Variants in VWA5A observed in about 807,000 individuals in gnomAD.
VWA5A encodes von Willebrand factor A domain-containing protein 5A.
In VWA5A, 77 loss-of-function variants were observed where a neutral mutation model predicts 84.6. The observed-to-expected ratio is 0.91, with a 90% CI of 0.76 to 1.10. The LOEUF (loss-of-function observed/expected upper bound fraction) is 1.10. Among genes scored for constraint, VWA5A ranks in the 50% least tolerant of loss-of-function variants. The pLI is 0.00. For missense variants in VWA5A, 973 were observed against 963.0 expected (o/e 1.01, Z -0.14); for synonymous variants, 334 against 350.1 (o/e 0.95, Z 0.51).
rs567854182 is a variant in VWA5A, at chr11:124,145,672, C to A, written c.2282-194C>A. On this transcript the variant is annotated intron_variant, in intron 18 of 18. Transcript: ENST00000456829. ...CTAGACTTGGTGCGTGTTCTCCTGG[C>A]TGTTTGTTATCTCACTGCAGCTGAG... 2.0e-5 allele frequency among the ~76,000 whole-genome samples: 3 copies of A among 152,228 alleles called. No individual in the cohort carries two copies. In the South Asian group the frequency reaches 6.2e-4, roughly 32 times the overall value.
chr11:124,123,676 A>C lies in VWA5A; in HGVS notation c.1036A>C (p.Thr346Pro), dbSNP rs1864969722. 6.2e-7 allele frequency: 1 copy of C among 1,613,936 alleles called. No homozygotes were observed. The highest frequency in any genetic ancestry group is 1.3e-5 in the African/African-American group (1 of 74,862). The change falls in exon 10 of 19, where the codon ACT becomes CCT. Residue 346 changes from threonine to proline, a missense_variant. Coordinates refer to ENST00000456829, the MANE Select transcript of VWA5A (RefSeq NM_001130142.2). ...TTTTCTCAGGGAGAGTGTGAAGTAC[A>C]CTCAGCAAACAATGGAGGAGGCTCT... The part of the protein sequence containing the change: ...EACFPESVKY[T>P]QQTMEEALGR...
At position 124,123,799 on chromosome 11, in the gene VWA5A, C is replaced by A; in HGVS notation, c.1159C>A (p.Leu387Ile). ...YRGPSIPGHP[L>I]QLFVFTDGEV... ...GGGACCCTCCATCCCAGGCCACCCC[C>A]TACAGGTAAGAAGTGGAACAGAGCT... is the stretch of plus-strand genomic sequence containing the variant. The change falls in exon 10 of 19, where the codon CTA becomes ATA. Residue 387 changes from leucine to isoleucine, a missense_variant. Leu to Ile is a conservative substitution (Grantham distance 5, BLOSUM62 2). Transcript: ENST00000456829. 1 of 1,570,388 alleles carries A rather than the reference C, an allele frequency of 6.4e-7. No individual in the cohort carries two copies. The highest frequency in any genetic ancestry group is 8.6e-7 in the Non-Finnish European group (1 of 1,163,266).
At chr11:124,136,050 T>C in intron 12 of VWA5A, 79 bp from the exon 13 acceptor site, 1 of 1,497,096 alleles carries the variant, frequency 6.7e-7, no homozygotes, top group East Asian at 2.3e-5. Flanking sequence ...TCACATCTGA[T>C]ACATAATAAA....
rs779247791 is a variant in VWA5A, at chr11:124,136,698, T to TTCCTTCCC, written c.1625+31_1625+32insCTCCTTCC. ...AAGTGAGAATTCAGTTTTCCCTTCC[T>TTCCTTCCC]TCCTTCCTTCCTTCCTTCCTTCCTT... On this transcript the variant is annotated intron_variant, in intron 14 of 18. Transcript: ENST00000456829. The TTCCTTCCC allele has an allele frequency of 1.6e-4, 80 of 509,594 alleles. No homozygotes were observed. The South Asian group carries it at 1.6e-3, about 10-fold the overall frequency. The allele number at this position is 509,594 out of a possible 1,614,324, so 31.6% of individuals were successfully genotyped here.
At position 124,137,248 on chromosome 11, in the gene VWA5A, T is replaced by G; in HGVS notation, c.1859T>G (p.Leu620Trp). 2 of 1,614,060 alleles carry G rather than the reference T, an allele frequency of 1.2e-6. No individual in the cohort carries two copies. Among genetic ancestry groups the G allele is most frequent in the Non-Finnish European group, 1.7e-6 (2 of 1,180,018 alleles). ...RPILLGASAP[L>W]KIKCQSGFRK... ...ATTCTGTTGGGTGCTTCTGCCCCAT[T>G]GAAGATAAAATGCCAATCAGGTAAT... Residue 620 changes from leucine (L) to tryptophan (W), a missense_variant, in exon 15 of 19, where the codon TTG becomes TGG. By Grantham distance (61) the Leu-to-Trp change is moderately conservative (BLOSUM62 -2). Transcript: ENST00000456829.
rs753306187 is a variant in VWA5A at position 124,117,826 on chromosome 11, C to T, written c.197C>T (p.Ala66Val). 8.1e-6 allele frequency: 13 copies of T among 1,613,922 alleles called. No homozygotes were observed. The South Asian group carries it at 1.3e-4, about 16-fold the overall frequency. The change falls in exon 4 of 19, where the codon GCC becomes GTC. Residue 66 changes from alanine to valine, a missense_variant. Coordinates refer to ENST00000456829, the MANE Select transcript of VWA5A (RefSeq NM_001130142.2). ...GACTCTGCTGTTTACAGCTTTGAGGCCTTGGTGGATGGGAAGAAAATTGTA... is the reference window on the plus strand; with the variant it reads ...GACTCTGCTGTTTACAGCTTTGAGGTCTTGGTGGATGGGAAGAAAATTGTA... ...DEDSAVYSFE[A>V]LVDGKKIVAE... is the part of the protein sequence containing the mutation.
chr11:124,117,356 T>C (rs1244217552), intron 2 of VWA5A, 141 bp from the exon 3 acceptor site: 2 of 819,022 alleles, frequency 2.4e-6, no homozygotes, highest in Non-Finnish European at 4.0e-6. Flanking sequence ...TTTGTCTCCT[T>C]TTTTTTAAAG....
At chr11:124,141,776 GT>G (rs1419816682) in intron 16 of VWA5A, 35 bp downstream of exon 16, 9 of 1,608,106 alleles carry the variant, frequency 5.6e-6, no homozygotes, top group Non-Finnish European at 7.6e-6. Context: ...TCTCAACAAT[GT>G]TTTTCTGTCA....
rs773323180 is a variant in VWA5A at position 124,117,762 on chromosome 11, G to A, written c.133G>A (p.Val45Ile). Residue 45 changes from valine to isoleucine, a missense_variant, in exon 4 of 19, where the codon GTT (valine) becomes ATT (isoleucine). Physicochemically the swap from Val to Ile is conservative, Grantham distance 29. Transcript: ENST00000456829. ...ATLNYENEEK[V>I]PLEAFFVFPM... is the part of the protein sequence containing the mutation. ...TTTGAACTACGAGAATGAGGAGAAA[G>A]TTCCTTTGGAGGCCTTCTTTGTGTT... 6.2e-6 allele frequency: 10 copies of A among 1,614,192 alleles called. No homozygotes were observed. Among genetic ancestry groups the A allele is most frequent in the African/African-American group, 1.3e-5 (1 of 75,040 alleles).
In VWA5A at chr11:124,123,424, G is replaced by T; in HGVS notation, c.989G>T (p.Gly330Val). 6.2e-7 allele frequency: 1 copy of T among 1,614,076 alleles called. No individual in the cohort carries two copies. The change falls in exon 9 of 19, where the codon GGA becomes GTA. Residue 330 changes from glycine (G) to valine (V), a missense_variant. Physicochemically the swap from Gly to Val is moderately radical, Grantham distance 109. Coordinates refer to ENST00000456829, the MANE Select transcript of VWA5A (RefSeq NM_001130142.2). The stretch of plus-strand genomic sequence containing the variant: ...ATAGGCTGTTATTTCAACATCTATG[G>T]ATTTGGCTCTTCCTATGAGGCATGC... ...LPIGCYFNIY[G>V]FGSSYEACFP...
chr11:124,133,352 G>C, intron 11 of VWA5A, among the ~76,000 whole-genome samples: 1 of 152,296 alleles, frequency 6.6e-6, no homozygotes, highest in Middle Eastern at 3.4e-3. Flanking sequence ...TCCCGCCTGC[G>C]TGTAACCACT....
intron 11 of VWA5A, among the ~76,000 whole-genome samples, chr11:124,125,340 T>C (rs2137639217): frequency 6.6e-6 from 1 of 151,872 alleles, no homozygotes; most frequent in East Asian, 1.9e-4. Flanking sequence ...CGGACTGCAG[T>C]GGCGCTATCT....
At chr11:124,121,562 T>C (rs958625514) in intron 7 of VWA5A, among the ~76,000 whole-genome samples, 5 of 152,220 alleles carry the variant, frequency 3.3e-5, no homozygotes, top group African/African-American at 4.8e-5. Context: ...TCTTCTTATA[T>C]GACCCTGGGA....
At chr11:124,135,522 CTTTTTTTTTT>C (rs60188800) in intron 12 of VWA5A, among the ~76,000 whole-genome samples, 3 of 84,316 alleles carry the variant, frequency 3.6e-5, no homozygotes, top group Admixed American at 2.7e-4. Flanking sequence ...GGTGGTATTT[CTTTTTTTTTT>C]TTTTTTTTTT....
rs1864965292 is a variant in VWA5A at position 124,123,429 on chromosome 11, G to T, written c.994G>T (p.Gly332Cys). Residue 332 changes from glycine to cysteine, a missense_variant, in exon 9 of 19, where the codon GGC becomes TGC. Gly to Cys is a radical substitution (Grantham distance 159). Transcript: ENST00000456829. ...CTGTTATTTCAACATCTATGGATTT[G>T]GCTCTTCCTATGAGGCATGCTTTCC... is the stretch of plus-strand genomic sequence containing the variant. ...IGCYFNIYGF[G>C]SSYEACFPES... is the part of the protein sequence containing the mutation. 1.2e-6 allele frequency: 2 copies of T among 1,614,004 alleles called. No individual in the cohort carries two copies. Among genetic ancestry groups the T allele is most frequent in the East Asian group, 4.5e-5 (2 of 44,878 alleles).
chr11:124,139,774 T>C (rs1160370959), intron 15 of VWA5A, among the ~76,000 whole-genome samples: 1 of 152,082 alleles, frequency 6.6e-6, no homozygotes, highest in African/African-American at 2.4e-5. Flanking sequence ...TCTTTTCCAA[T>C]CTAGATTCTT....
At position 124,124,292 on chromosome 11, in the gene VWA5A, T is replaced by A; in HGVS notation, c.1220T>A (p.Val407Asp). ...VTDTFSVIKE[V>D]RINRQKHRCF... ...GACACGTTTAGTGTAATTAAAGAAG[T>A]TAGGATCAACAGACAGAAACACAGG... The change falls in exon 11 of 19, where the codon GTT becomes GAT. Residue 407 changes from valine to aspartate, a missense_variant. Val to Asp is a radical substitution (Grantham distance 152). Coordinates refer to ENST00000456829, the MANE Select transcript of VWA5A (RefSeq NM_001130142.2). 6.2e-7 allele frequency: 1 copy of A among 1,614,050 alleles called. No individual in the cohort carries two copies. Among genetic ancestry groups the A allele is most frequent in the Non-Finnish European group, 8.5e-7 (1 of 1,179,984 alleles).
intron 7 of VWA5A, 51 bp from the exon 8 acceptor site, chr11:124,122,909 G>T: frequency 6.5e-7 from 1 of 1,549,060 alleles, no homozygotes. Context: ...TTAGGTACTA[G>T]GATTCTTGAG....
chr11:124,117,727 T>C lies in VWA5A; in HGVS notation c.98T>C (p.Val33Ala). The C allele has an allele frequency of 3.7e-6, 6 of 1,614,094 alleles. No individual in the cohort carries two copies. The highest frequency in any genetic ancestry group is 5.1e-6 in the Non-Finnish European group (6 of 1,180,030). ...AACATTTACGAGTTTGTGGCTGGTGTGTCTGCAACTTTGAACTACGAGAAT... is the reference window on the plus strand; with the variant it reads ...AACATTTACGAGTTTGTGGCTGGTGCGTCTGCAACTTTGAACTACGAGAAT... The part of the protein sequence containing the change: ...SVNIYEFVAG[V>A]SATLNYENEE... The change falls in exon 4 of 19, where the codon GTG becomes GCG. Residue 33 changes from valine (V) to alanine (A), a missense_variant. Val to Ala is a moderately conservative substitution (Grantham distance 64). Coordinates refer to ENST00000456829, the MANE Select transcript of VWA5A (RefSeq NM_001130142.2).
Sources: gnomAD v4.1 joint callset for allele counts (sites outside exome capture counted in the v4.1 genomes callset) on GRCh38, gnomAD v4.1.1 for gene constraint, MANE v1.5 for transcripts, NCBI Gene and HGNC (gene_info 2026-07-23, HGNC 2026-07-21) for gene names.